Variants in LRBA observed in about 807,000 individuals in gnomAD.
The protein encoded by LRBA is lipopolysaccharide-responsive and beige-like anchor protein.
LRBA carries 176 observed loss-of-function variants against 330.0 expected under a neutral mutation model. That is an observed-to-expected ratio of 0.53 (90% CI 0.47 to 0.60). The LOEUF is 0.60. Among genes scored for constraint, LRBA ranks in the 20% least tolerant of loss-of-function variants. The pLI, the probability that LRBA is intolerant of heterozygous loss-of-function variation, is 0.00. For synonymous variants in LRBA, 1,230 were observed against 1,193.0 expected, an observed-to-expected ratio of 1.03 and a Z score of -0.64; for missense variants, 3,259 against 3,444.8, an observed-to-expected ratio of 0.95 and a Z score of 1.35.
intron 2 of LRBA, among the ~76,000 whole-genome samples, chr4:150,977,562 C>A (rs900732711): frequency 6.6e-6 from 1 of 151,910 alleles, no homozygotes; most frequent in Non-Finnish European, 1.5e-5. Context: ...GGAATCACCT[C>A]GGACACAGTG....
chr4:150,486,902 G>T (rs574963552), intron 42 of LRBA, among the ~76,000 whole-genome samples: 1 of 151,550 alleles, frequency 6.6e-6, no homozygotes, highest in Non-Finnish European at 1.5e-5. Flanking sequence ...GCCTTTCTGC[G>T]TCTTTCTTAT....
chr4:150,694,867 A>G (rs947128249), intron 36 of LRBA, among the ~76,000 whole-genome samples: 9 of 151,942 alleles, frequency 5.9e-5, no homozygotes, highest in African/African-American at 2.2e-4. Flanking sequence ...AGGTTATTCT[A>G]TTTTTTTGCT....
At chr4:150,714,998 T>C (rs565652568) in intron 36 of LRBA, among the ~76,000 whole-genome samples, 7 of 152,254 alleles carry the variant, frequency 4.6e-5, no homozygotes, top group African/African-American at 1.4e-4. Context: ...ACCAATGTAT[T>C]TGAATAATAA....
At position 150,583,803 on chromosome 4, in the gene LRBA, G is replaced by C; in HGVS notation, c.6330+4245C>G. The C allele has an allele frequency of 6.2e-7, 1 of 1,614,196 alleles. No homozygotes were observed. The highest frequency in any genetic ancestry group is 1.3e-5 in the African/African-American group (1 of 75,060). The stretch of plus-strand genomic sequence containing the variant: ...GCCTCTCAGTGCTGAAGACTCTGCG[G>C]GACCGCCACCTGGAGCTACCCGGCC... On this transcript the variant is annotated intron_variant, in intron 40 of 56. Transcript: ENST00000651943. This position sits in a 1 kb window ranked among gnomAD's most constrained non-coding sequence, Gnocchi z 9.8.
chr4:150,334,513 T>G (rs1734379280), intron 48 of LRBA, among the ~76,000 whole-genome samples: 1 of 152,116 alleles, frequency 6.6e-6, no homozygotes, highest in South Asian at 2.1e-4. Flanking sequence ...TATATATATA[T>G]AACACACATA....
chr4:150,949,234 A>C (rs1736557377), intron 2 of LRBA, among the ~76,000 whole-genome samples: 1 of 152,142 alleles, frequency 6.6e-6, no homozygotes, highest in Non-Finnish European at 1.5e-5. Flanking sequence ...ACTGTAGTAC[A>C]TCCATACCAT....
chr4:150,386,063 C>T (rs541222122), intron 47 of LRBA, among the ~76,000 whole-genome samples: 47 of 152,182 alleles, frequency 3.1e-4, no homozygotes, highest in African/African-American at 1.0e-3. Context: ...GTGCAATCAA[C>T]TAAAATTTAC....
chr4:150,456,881 T>A (rs539886013), intron 44 of LRBA, among the ~76,000 whole-genome samples: 91 of 152,282 alleles, frequency 6.0e-4, no homozygotes, highest in Admixed American at 2.0e-4. Flanking sequence ...TTCATTCTTC[T>A]GCATATGAAT....
chr4:150,513,062 G>A (rs747834298), intron 40 of LRBA, among the ~76,000 whole-genome samples: 6 of 152,174 alleles, frequency 3.9e-5, no homozygotes, highest in Non-Finnish European at 5.9e-5. Context: ...AATACGTACA[G>A]TCAATTTAAA....
intron 48 of LRBA, among the ~76,000 whole-genome samples, chr4:150,334,665 C>T (rs1734404823): frequency 6.6e-6 from 1 of 151,726 alleles, no homozygotes; most frequent in Non-Finnish European, 1.5e-5. Flanking sequence ...AAAATTTATA[C>T]TTTCCTCATT....
intron 46 of LRBA, among the ~76,000 whole-genome samples, chr4:150,433,385 C>T (rs1007634846): frequency 6.6e-5 from 10 of 151,930 alleles, no homozygotes; most frequent in African/African-American, 2.2e-4. Flanking sequence ...AAAACAAAAT[C>T]ACTAGCATCT....
chr4:150,787,551 G>A (rs1462217956), intron 34 of LRBA, among the ~76,000 whole-genome samples: 1 of 152,060 alleles, frequency 6.6e-6, no homozygotes, highest in African/African-American at 2.4e-5. Flanking sequence ...GTACATAGGA[G>A]TATATATTTA....
intron 47 of LRBA, among the ~76,000 whole-genome samples, chr4:150,396,308 A>G (rs1352720937): frequency 6.6e-6 from 1 of 152,160 alleles, no homozygotes; most frequent in Non-Finnish European, 1.5e-5. Context: ...CTGGGAATTT[A>G]GGCCTTTGGC....
intron 44 of LRBA, among the ~76,000 whole-genome samples, chr4:150,441,877 G>T (rs1401048539): frequency 6.6e-6 from 1 of 152,006 alleles, no homozygotes; most frequent in Non-Finnish European, 1.5e-5. Flanking sequence ...TTACTTAACA[G>T]GTTGATTTAA....
chr4:150,713,028 C>G (rs1407832592), intron 36 of LRBA, among the ~76,000 whole-genome samples: 1 of 152,098 alleles, frequency 6.6e-6, no homozygotes. Flanking sequence ...CCTCAACCAC[C>G]TGGACTCAAG....
chr4:150,454,381 T>C (rs1753787609), intron 44 of LRBA, among the ~76,000 whole-genome samples: 1 of 152,076 alleles, frequency 6.6e-6, no homozygotes, highest in East Asian at 1.9e-4. Flanking sequence ...AAGAAGGCAA[T>C]ATCTCAAGTT....
At chr4:150,789,800 T>C (rs986579972) in intron 34 of LRBA, among the ~76,000 whole-genome samples, 1 of 152,152 alleles carries the variant, frequency 6.6e-6, no homozygotes, top group Non-Finnish European at 1.5e-5. Context: ...AAAAAAGTAC[T>C]AAGTAAAAGC....
At position 150,872,665 on chromosome 4, in the gene LRBA, T is replaced by C; in HGVS notation, c.2256A>G (p.Pro752=). ...ATCTTAGATTTCGGCATACTTACTTTGGGGCCAGATGTTTTAAAAAATAAC... is the reference window on the plus strand; with the variant it reads ...ATCTTAGATTTCGGCATACTTACTTCGGGGCCAGATGTTTTAAAAAATAAC... ...AMGYFLKHLA[P]KRKAEVMLGH... The change falls in exon 18 of 57, where the codon CCA becomes CCG. Residue 752 remains proline (P), a splice_region_variant and synonymous_variant. Transcript: ENST00000651943. 3 of 1,601,022 alleles carry C rather than the reference T, an allele frequency of 1.9e-6. No homozygotes were observed. The highest frequency in any genetic ancestry group is 1.7e-6 in the Non-Finnish European group (2 of 1,169,978).
chr4:150,692,060 G>C (rs897393311), intron 36 of LRBA, among the ~76,000 whole-genome samples: 1 of 151,960 alleles, frequency 6.6e-6, no homozygotes, highest in Non-Finnish European at 1.5e-5. Context: ...TGGATCACAG[G>C]GGAATTCTCT....
Sources: gnomAD v4.1 joint callset for allele counts (sites outside exome capture counted in the v4.1 genomes callset) on GRCh38, gnomAD v4.1.1 for gene constraint, Gnocchi (gnomAD v3.1) non-coding constraint, MANE v1.5 for transcripts, NCBI Gene and HGNC (gene_info 2026-07-23, HGNC 2026-07-21) for gene names.